MCMBP: variants seen among roughly 807,000 people sequenced by gnomAD.
MCMBP encodes the protein minichromosome maintenance complex binding protein, also known as mini-chromosome maintenance complex-binding protein.
Under a neutral mutation model 81.3 loss-of-function variants are expected in MCMBP, and 31 were observed. That is an observed-to-expected ratio of 0.38 (90% CI 0.29 to 0.51). The LOEUF is 0.51. Ranked by LOEUF, MCMBP falls within the 20% of genes least tolerant of loss-of-function variation. The pLI is 0.87. For synonymous variants in MCMBP, 267 were observed against 275.9 expected (o/e 0.97, Z 0.32); for missense variants, 645 against 772.1 (o/e 0.84, Z 1.95).
At chr10:119,841,576 C>A (rs762493470) in intron 10 of MCMBP, among the ~76,000 whole-genome samples, 1 of 152,186 alleles carries the variant, frequency 6.6e-6, no homozygotes, top group African/African-American at 2.4e-5. Flanking sequence ...AAACAAGACA[C>A]GCATCTGTGC....
intron 1 of MCMBP, among the ~76,000 whole-genome samples, chr10:119,865,510 G>C (rs1221682384): frequency 6.6e-6 from 1 of 152,164 alleles, no homozygotes; most frequent in Admixed American, 6.5e-5. Context: ...AGAATTGCTT[G>C]AACCTGGGAA....
chr10:119,853,957 T>C (rs569939034), intron 5 of MCMBP, among the ~76,000 whole-genome samples: 10 of 152,186 alleles, frequency 6.6e-5, no homozygotes, highest in African/African-American at 2.2e-4. Flanking sequence ...TCCAACACTT[T>C]GGGAGGCTCA....
At chr10:119,863,295 T>C (rs1853327089) in intron 1 of MCMBP, among the ~76,000 whole-genome samples, 1 of 152,224 alleles carries the variant, frequency 6.6e-6, no homozygotes, top group African/African-American at 2.4e-5. Flanking sequence ...TACTCAGATG[T>C]ATGATCCATT....
chr10:119,856,166 G>A (rs537956369), intron 5 of MCMBP, among the ~76,000 whole-genome samples: 168 of 152,304 alleles, frequency 1.1e-3, no homozygotes, highest in African/African-American at 3.8e-3. Context: ...AGGTTGCAGT[G>A]AGCCAAGATC....
chr10:119,839,874 C>T (rs1852374874), intron 11 of MCMBP, among the ~76,000 whole-genome samples: 1 of 152,102 alleles, frequency 6.6e-6, no homozygotes, highest in African/African-American at 2.4e-5. Flanking sequence ...CTGTGTGAGG[C>T]CAGCTTTCCT....
chr10:119,872,491 T>TGCCCGCCCG (rs958334204), intron 1 of MCMBP, 36 bp downstream of exon 1: 58 of 1,144,662 alleles, frequency 5.1e-5, no homozygotes, highest in Non-Finnish European at 6.3e-5. Flanking sequence ...CAAACTCGGC[T>TGCCCGCCCG]GCCCGCCCGG....
At chr10:119,867,511 TC>T (rs1405575546) in intron 1 of MCMBP, among the ~76,000 whole-genome samples, 1 of 152,120 alleles carries the variant, frequency 6.6e-6, no homozygotes, top group African/African-American at 2.4e-5. Flanking sequence ...GTCACGATTG[TC>T]CTACCTAACT....
chr10:119,848,957 T>G (rs566793010), intron 7 of MCMBP, among the ~76,000 whole-genome samples: 1 of 152,350 alleles, frequency 6.6e-6, no homozygotes, highest in African/African-American at 2.4e-5. Flanking sequence ...TTAGCTTACA[T>G]GCAAAAGGAA....
chr10:119,863,831 G>C (rs955641801), intron 1 of MCMBP, among the ~76,000 whole-genome samples: 1 of 146,588 alleles, frequency 6.8e-6, no homozygotes, highest in African/African-American at 2.5e-5. Context: ...AGACGTAAAA[G>C]GTGAAATATT....
In MCMBP at chr10:119,843,403, G is replaced by A. The variant is rs754390776; in HGVS notation, c.851C>T (p.Pro284Leu). 4.8e-5 allele frequency: 77 copies of A among 1,613,644 alleles called. No individual in the cohort carries two copies. The Middle Eastern group carries it at 8.2e-4, about 17-fold the overall frequency. The part of the protein sequence containing the change: ...DERDASALLD[P>L]MECTDTAEEQ... The stretch of plus-strand genomic sequence containing the variant: ...CTCTGCTGTGTCTGTGCACTCCATC[G>A]GATCCAGCAGTGCAGAGGCATCCCT... Residue 284 changes from proline (P) to leucine (L), a missense_variant, in exon 9 of 16, where the codon CCG (proline) becomes CTG (leucine). By Grantham distance (98) the Pro-to-Leu change is moderately conservative. Transcript: ENST00000369077.
chr10:119,869,571 CAA>C (rs34014446), intron 1 of MCMBP, among the ~76,000 whole-genome samples: 1 of 141,616 alleles, frequency 7.1e-6, no homozygotes, highest in Non-Finnish European at 1.5e-5. Flanking sequence ...GACTCAGTCT[CAA>C]AAAAAAAAAA....
intron 15 of MCMBP, 39 bp from the exon 16 acceptor site, chr10:119,831,639 G>A: frequency 6.3e-7 from 1 of 1,596,700 alleles, no homozygotes; most frequent in East Asian, 2.2e-5. Context: ...GTCTAGAGCT[G>A]GGATAGTAAG....
At chr10:119,845,168 CT>C (rs1377409423) in intron 8 of MCMBP, among the ~76,000 whole-genome samples, 10 of 152,164 alleles carry the variant, frequency 6.6e-5, no homozygotes, top group African/African-American at 2.2e-4. Context: ...GATGAACAAT[CT>C]CATATACTAT....
At position 119,842,478 on chromosome 10, in the gene MCMBP, G is replaced by T; in HGVS notation, c.1118C>A (p.Ser373Tyr). ...ACCAGGATACAGCACTTACACTGTG[G>T]AGATGAGATGTAATATAAGGTATTC... ...AAEYLILHLISTVYTRRDVLP... is the reference protein window; with the variant it reads ...AAEYLILHLIYTVYTRRDVLP... The change falls in exon 10 of 16, where the codon TCC becomes TAC. Residue 373 changes from serine (S) to tyrosine (Y), a missense_variant. Coordinates refer to ENST00000369077, the MANE Select transcript of MCMBP (RefSeq NM_001256378.2). The T allele has an allele frequency of 6.2e-7, 1 of 1,613,062 alleles. No homozygotes were observed.
chr10:119,838,265 TTATA>T (rs1233883866), intron 12 of MCMBP, among the ~76,000 whole-genome samples: 1 of 148,082 alleles, frequency 6.8e-6, no homozygotes, highest in African/African-American at 2.5e-5. Flanking sequence ...AAATGAGACA[TTATA>T]TATTATATAT....
intron 1 of MCMBP, among the ~76,000 whole-genome samples, chr10:119,868,980 A>T (rs1853569650): frequency 6.6e-6 from 1 of 152,222 alleles, no homozygotes; most frequent in African/African-American, 2.4e-5. Context: ...CTCATAAACC[A>T]CTTTAAAAGT....
At chr10:119,865,137 A>G (rs1429333500) in intron 1 of MCMBP, among the ~76,000 whole-genome samples, 1 of 142,926 alleles carries the variant, frequency 7.0e-6, no homozygotes, top group African/African-American at 2.4e-5. Context: ...TCTAACTACA[A>G]TTGCAGATTT....
In MCMBP at chr10:119,872,517, C is replaced by T. The variant is rs1232018356; in HGVS notation, c.58+10G>A. 10 of 1,192,052 alleles carry T rather than the reference C, an allele frequency of 8.4e-6. 1 individual carries two copies. The highest frequency in any genetic ancestry group is 8.1e-5 in the African/African-American group (5 of 61,876). The allele number at this position is 1,192,052 out of a possible 1,614,324, so 73.8% of individuals were successfully genotyped here. A position where few individuals can be genotyped will look rare whatever the true frequency, so the allele number is the denominator to read the frequency against. ...GCCCGCCCGGCCCGCCCCCCGGCGC[C>T]GCCACTCACCGAAGAATCCCTGCAC... is the stretch of plus-strand genomic sequence containing the variant. On this transcript the variant is annotated intron_variant, in intron 1 of 15. Coordinates refer to ENST00000369077, the MANE Select transcript of MCMBP (RefSeq NM_001256378.2).
intron 11 of MCMBP, among the ~76,000 whole-genome samples, chr10:119,839,526 T>G (rs1852360708): frequency 6.6e-6 from 1 of 152,194 alleles, no homozygotes; most frequent in South Asian, 2.1e-4. Flanking sequence ...TGTATTAATT[T>G]ATTTGTTGGT....
Sources: gnomAD v4.1 joint callset for allele counts (sites outside exome capture counted in the v4.1 genomes callset) on GRCh38, gnomAD v4.1.1 for gene constraint, MANE v1.5 for transcripts, NCBI Gene and HGNC (gene_info 2026-07-23, HGNC 2026-07-21) for gene names.